Variants in EFNA5 observed in about 807,000 individuals in gnomAD.
EFNA5 encodes the protein ephrin A5, also known as ephrin-A5.
EFNA5 carries 5 observed loss-of-function variants against 22.9 expected under a neutral mutation model. The ratio of observed to expected loss-of-function variants is 0.22; its 90% confidence interval spans 0.11 to 0.46. EFNA5 has a LOEUF of 0.46. Ranked by LOEUF, EFNA5 falls within the 20% of genes least tolerant of loss-of-function variation. The pLI is 0.99. For synonymous variants in EFNA5, 113 were observed against 112.2 expected (o/e 1.01, Z -0.04); for missense variants, 237 against 293.3 (o/e 0.81, Z 1.40).
chr5:107,408,248 T>C lies in EFNA5; in HGVS notation c.418+18969A>G, dbSNP rs536643999. Among the ~76,000 whole-genome samples the C allele has an allele frequency of 3.3e-5, 5 of 152,242 alleles. No homozygotes were observed. In the South Asian group the frequency reaches 1.0e-3, roughly 32 times the overall value. On this transcript the variant is annotated intron_variant, in intron 2 of 4. Coordinates refer to ENST00000333274, the MANE Select transcript of EFNA5 (RefSeq NM_001962.3). ...CACATCTTACTAAGGAAAAGGCTTA[T>C]AAAATTTTTATCTCAATTCTCAGGG...
chr5:107,521,718 A>C (rs964728891), intron 1 of EFNA5, among the ~76,000 whole-genome samples: 19 of 152,110 alleles, frequency 1.2e-4, no homozygotes, highest in Admixed American at 1.2e-3. Flanking sequence ...AAAAGATCAA[A>C]ACCCAATATT....
intron 1 of EFNA5, among the ~76,000 whole-genome samples, chr5:107,534,064 A>C (rs567300666): frequency 7.9e-5 from 12 of 152,224 alleles, no homozygotes; most frequent in Non-Finnish European, 1.5e-4. Flanking sequence ...ACACACAGAA[A>C]TATCAAATAA....
chr5:107,597,246 T>C (rs1422925213), intron 1 of EFNA5, among the ~76,000 whole-genome samples: 3 of 152,210 alleles, frequency 2.0e-5, no homozygotes, highest in African/African-American at 4.8e-5. Flanking sequence ...AATTATGTCC[T>C]ATATATCTAC....
chr5:107,665,377 A>G (rs1751044989), intron 1 of EFNA5, among the ~76,000 whole-genome samples: 1 of 152,226 alleles, frequency 6.6e-6, no homozygotes, highest in African/African-American at 2.4e-5. Flanking sequence ...GTTAATTTGC[A>G]CCCAAGTAAC....
intron 1 of EFNA5, among the ~76,000 whole-genome samples, chr5:107,626,852 T>C (rs1441665203): frequency 1.3e-5 from 2 of 152,222 alleles, no homozygotes. Context: ...ACTTTCACAG[T>C]TGGTGGTGCC....
At chr5:107,454,121 C>T (rs758733562) in intron 1 of EFNA5, among the ~76,000 whole-genome samples, 6 of 152,068 alleles carry the variant, frequency 3.9e-5, no homozygotes, top group Non-Finnish European at 8.8e-5. Flanking sequence ...TTTATAATTG[C>T]TTTTATACAA....
chr5:107,494,571 G>A (rs559602720), intron 1 of EFNA5, among the ~76,000 whole-genome samples: 2 of 152,378 alleles, frequency 1.3e-5, no homozygotes, highest in African/African-American at 2.4e-5. Flanking sequence ...CCCAAGGGCT[G>A]AGGAGTGCAG....
At chr5:107,456,247 T>C (rs1749696678) in intron 1 of EFNA5, among the ~76,000 whole-genome samples, 1 of 152,122 alleles carries the variant, frequency 6.6e-6, no homozygotes. Context: ...GGGTGTGATT[T>C]ATATTTTTAT....
At chr5:107,384,825 G>A (rs1197318361) in intron 4 of EFNA5, among the ~76,000 whole-genome samples, 3 of 144,578 alleles carry the variant, frequency 2.1e-5, no homozygotes, top group African/African-American at 7.7e-5. Context: ...TGTTGTCCAG[G>A]TTGGTCTCAA....
chr5:107,528,014 T>G (rs464250), intron 1 of EFNA5, among the ~76,000 whole-genome samples: 27,560 of 152,188 alleles, frequency 0.18, 2,918 homozygotes, highest in Middle Eastern at 0.37. Flanking sequence ...GAACCACAGC[T>G]TGGCAAATAG....
At chr5:107,562,276 G>A (rs164699) in intron 1 of EFNA5, among the ~76,000 whole-genome samples, 101,218 of 151,884 alleles carry the variant, frequency 0.67, 35,519 homozygotes, top group African/African-American at 0.9. Context: ...TACCAGTGAA[G>A]TGAAGCCCGC....
intron 1 of EFNA5, among the ~76,000 whole-genome samples, chr5:107,527,721 T>C (rs573756038): frequency 6.6e-6 from 1 of 152,204 alleles, no homozygotes; most frequent in Non-Finnish European, 1.5e-5. Context: ...ATGCACATTA[T>C]CTTATTTCAG....
In EFNA5 at chr5:107,401,277, AT is replaced by A. The variant is rs1270969957; in HGVS notation, c.419-13507del. 2.0e-5 allele frequency among the ~76,000 whole-genome samples: 3 copies of A among 152,190 alleles called. No individual in the cohort carries two copies. The South Asian group carries it at 6.2e-4, about 31-fold the overall frequency. On this transcript the variant is annotated intron_variant, in intron 2 of 4. Coordinates refer to ENST00000333274, the MANE Select transcript of EFNA5 (RefSeq NM_001962.3). ...AGGAAGATTTATTGTATTACTTGGC[AT>A]TTTGAGGAAAAAATCAATCTATTTT...
At chr5:107,581,271 C>T (rs1232100330) in intron 1 of EFNA5, among the ~76,000 whole-genome samples, 1 of 152,092 alleles carries the variant, frequency 6.6e-6, no homozygotes, top group Non-Finnish European at 1.5e-5. Context: ...TGAAAGAGAC[C>T]TCAGAAATAA....
At chr5:107,473,863 G>A (rs1750211220) in intron 1 of EFNA5, among the ~76,000 whole-genome samples, 1 of 152,042 alleles carries the variant, frequency 6.6e-6, no homozygotes, top group Admixed American at 6.5e-5. Flanking sequence ...GTTCCACCAT[G>A]TTATCAAGGA....
At chr5:107,661,114 TAA>T (rs746307081) in intron 1 of EFNA5, among the ~76,000 whole-genome samples, 23 of 130,114 alleles carry the variant, frequency 1.8e-4, no homozygotes, top group Admixed American at 3.2e-4. Flanking sequence ...ATCTGTCTGT[TAA>T]AAAAAAAAAA....
At chr5:107,541,084 G>A (rs1013936073) in intron 1 of EFNA5, among the ~76,000 whole-genome samples, 5 of 151,530 alleles carry the variant, frequency 3.3e-5, no homozygotes, top group African/African-American at 1.2e-4. Flanking sequence ...TCCAGCCTGG[G>A]AAACACAGCA....
At chr5:107,548,310 A>G (rs1748214889) in intron 1 of EFNA5, among the ~76,000 whole-genome samples, 1 of 152,222 alleles carries the variant, frequency 6.6e-6, no homozygotes, top group Non-Finnish European at 1.5e-5. Context: ...ATGGACTTTT[A>G]AAACAATCTC....
chr5:107,509,719 C>G (rs752588571), intron 1 of EFNA5, among the ~76,000 whole-genome samples: 3 of 152,090 alleles, frequency 2.0e-5, no homozygotes, highest in Non-Finnish European at 4.4e-5. Flanking sequence ...ATGAGGAACA[C>G]TGGAATACGG....
Sources: allele counts gnomAD v4.1 joint callset (sites outside exome capture counted in the v4.1 genomes callset), GRCh38; gene constraint gnomAD v4.1.1; transcripts MANE v1.5; gene names NCBI Gene and HGNC (gene_info 2026-07-23, HGNC 2026-07-21).